SLC45A2: variants seen among roughly 807,000 people sequenced by gnomAD.
The protein encoded by SLC45A2 is membrane-associated transporter protein.
Under a neutral mutation model 45.5 loss-of-function variants are expected in SLC45A2, and 36 were observed. The ratio of observed to expected loss-of-function variants is 0.79; its 90% CI spans 0.61 to 1.04. SLC45A2 has a LOEUF of 1.04. SLC45A2 is among the 50% of genes least tolerant of loss of function. SLC45A2 has a pLI of 0.00. For synonymous variants in SLC45A2, 306 were observed against 269.3 expected, an observed-to-expected ratio of 1.14 and a Z score of -1.33; for missense variants, 719 against 671.0, an observed-to-expected ratio of 1.07 and a Z score of -0.79.
In SLC45A2 at chr5:33,963,765, C is replaced by T. The variant is rs26722; in HGVS notation, c.814G>A (p.Glu272Lys). Residue 272 changes from glutamate to lysine, a missense_variant, in exon 3 of 7, where the codon GAG (glutamate) becomes AAG (lysine). Transcript: ENST00000296589. ...SDGMYEYGSI[E>K]KVKNGYVNPE... The stretch of plus-strand genomic sequence containing the variant: ...TTTACGTAACCATTTTTAACTTTCT[C>T]GATAGAACCATACTCGTACATTCCA... The T allele has an allele frequency of 0.05, 80,813 of 1,614,096 alleles. 8,984 individuals are homozygous for T. The highest frequency in any genetic ancestry group is 0.36 in the East Asian group (16,377 of 44,870).
chr5:33,969,733 G>A (rs1376896782), intron 2 of SLC45A2, among the ~76,000 whole-genome samples: 1 of 152,176 alleles, frequency 6.6e-6, no homozygotes, highest in Non-Finnish European at 1.5e-5. Context: ...CTTGCTGCCT[G>A]CTTGATGGGC....
At chr5:33,959,715 T>C (rs1487644394) in intron 3 of SLC45A2, among the ~76,000 whole-genome samples, 5 of 152,200 alleles carry the variant, frequency 3.3e-5, no homozygotes, top group Non-Finnish European at 7.4e-5. Context: ...GCAACTCAAC[T>C]TGAAGGCAGT....
intron 2 of SLC45A2, among the ~76,000 whole-genome samples, chr5:33,978,373 C>T (rs1752987785): frequency 6.6e-6 from 1 of 152,080 alleles, no homozygotes; most frequent in Non-Finnish European, 1.5e-5. Flanking sequence ...CCTGCAAAGC[C>T]ATCTTTTGTG....
chr5:33,960,779 A>G (rs1254595217), intron 3 of SLC45A2, among the ~76,000 whole-genome samples: 2 of 152,302 alleles, frequency 1.3e-5, no homozygotes, highest in Non-Finnish European at 2.9e-5. Flanking sequence ...TTTTAAAAAA[A>G]GGGCATTAGT....
At chr5:33,955,300 G>C (rs949236412) in intron 3 of SLC45A2, among the ~76,000 whole-genome samples, 1 of 152,180 alleles carries the variant, frequency 6.6e-6, no homozygotes, top group Non-Finnish European at 1.5e-5. Context: ...AATGTGCTTT[G>C]AGGCGGGCTC....
chr5:33,968,468 C>T (rs1214169672), intron 2 of SLC45A2, among the ~76,000 whole-genome samples: 1 of 152,170 alleles, frequency 6.6e-6, no homozygotes, highest in Non-Finnish European at 1.5e-5. Flanking sequence ...AAAGAAGGGC[C>T]AGAAGTGGTC....
At chr5:33,948,457 C>T (rs930215452) in intron 5 of SLC45A2, among the ~76,000 whole-genome samples, 7 of 151,894 alleles carry the variant, frequency 4.6e-5, no homozygotes, top group Admixed American at 1.3e-4. Flanking sequence ...ATACTTGAAA[C>T]GTGACTATTA....
At chr5:33,983,976 T>A (rs1753159465) in intron 1 of SLC45A2, among the ~76,000 whole-genome samples, 1 of 152,210 alleles carries the variant, frequency 6.6e-6, no homozygotes, top group South Asian at 2.1e-4. Context: ...TATTTTTAAA[T>A]CTTCACAACA....
intron 6 of SLC45A2, chr5:33,945,921 T>G (rs1561353306): frequency 1.0e-6 from 1 of 968,126 alleles, no homozygotes; most frequent in Non-Finnish European, 1.2e-6. Context: ...AAAAAACTAG[T>G]AAGAGTGGTA....
chr5:33,946,136 C>G (rs1360920142), intron 6 of SLC45A2: 1 of 985,260 alleles, frequency 1.0e-6, no homozygotes, highest in South Asian at 4.7e-5. Context: ...GAGCCTGAAG[C>G]GTAGGTTTTC....
At chr5:33,969,044 A>ACTCT (rs11272324) in intron 2 of SLC45A2, among the ~76,000 whole-genome samples, 5 of 90,472 alleles carry the variant, frequency 5.5e-5, no homozygotes, top group South Asian at 4.4e-4. Flanking sequence ...AGTACCAGCT[A>ACTCT]CTCTCTCTCT....
chr5:33,982,168 G>T, intron 2 of SLC45A2, 68 bp downstream of exon 2: 1 of 1,570,206 alleles, frequency 6.4e-7, no homozygotes, highest in Non-Finnish European at 8.8e-7. Flanking sequence ...AGAGACACTG[G>T]ATGGCTTTAG....
chr5:33,982,071 C>T (rs1415467286), intron 2 of SLC45A2, among the ~76,000 whole-genome samples, 165 bp downstream of exon 2: 2 of 152,242 alleles, frequency 1.3e-5, no homozygotes, highest in Non-Finnish European at 2.9e-5. Context: ...CACAAGCTGA[C>T]TGTTCAGAGA....
chr5:33,955,879 G>A (rs186024006), intron 3 of SLC45A2, among the ~76,000 whole-genome samples: 1 of 152,208 alleles, frequency 6.6e-6, no homozygotes, highest in Admixed American at 6.5e-5. Context: ...ATTGAAGCTA[G>A]AATAAACATC....
chr5:33,979,898 GC>G (rs936062845), intron 2 of SLC45A2, among the ~76,000 whole-genome samples: 3 of 152,132 alleles, frequency 2.0e-5, no homozygotes, highest in Admixed American at 2.0e-4. Context: ...TCATGTATTG[GC>G]CTTGGAAAAG....
chr5:33,950,930 G>C (rs1420959173), intron 5 of SLC45A2, among the ~76,000 whole-genome samples: 2 of 152,166 alleles, frequency 1.3e-5, no homozygotes, highest in Admixed American at 6.5e-5. Flanking sequence ...CAATGCCCTG[G>C]AGTTATAGCA....
At chr5:33,964,748 CT>C (rs1223979950) in intron 2 of SLC45A2, among the ~76,000 whole-genome samples, 43 of 152,272 alleles carry the variant, frequency 2.8e-4, no homozygotes, top group African/African-American at 1.0e-3. Flanking sequence ...GGAAAGGCTC[CT>C]CAAAATCTAT....
chr5:33,971,641 A>T (rs1020781508), intron 2 of SLC45A2, among the ~76,000 whole-genome samples: 1 of 151,572 alleles, frequency 6.6e-6, no homozygotes, highest in Non-Finnish European at 1.5e-5. Context: ...TTTATTTTTT[A>T]TTTTGAGACG....
chr5:33,950,601 T>G (rs1200140531), intron 5 of SLC45A2, among the ~76,000 whole-genome samples: 6 of 152,114 alleles, frequency 3.9e-5, no homozygotes, highest in Non-Finnish European at 8.8e-5. Flanking sequence ...CTCACATACA[T>G]CCACACTTTC....
Sources: gnomAD v4.1 joint callset for allele counts (sites outside exome capture counted in the v4.1 genomes callset) on GRCh38, gnomAD v4.1.1 for gene constraint, MANE v1.5 for transcripts, NCBI Gene and HGNC (gene_info 2026-07-23, HGNC 2026-07-21) for gene names.